Variants in CCNB1IP1 observed in about 807,000 individuals in gnomAD.
CCNB1IP1 encodes cyclin B1 interacting protein 1.
Under a neutral mutation model 25.6 loss-of-function variants are expected in CCNB1IP1, and 14 were observed. That is an observed-to-expected ratio of 0.55 (90% CI 0.36 to 0.85). The LOEUF (loss-of-function observed/expected upper bound fraction) is 0.85. Ranked by LOEUF, CCNB1IP1 falls within the 40% of genes least tolerant of loss-of-function variation. CCNB1IP1 has a pLI of 0.01. For missense variants in CCNB1IP1, 278 were observed against 342.4 expected (o/e 0.81, Z 1.48); for synonymous variants, 119 against 116.1 (o/e 1.02, Z -0.16).
intron 4 of CCNB1IP1, among the ~76,000 whole-genome samples, chr14:20,322,622 A>AAT (rs1566403111): frequency 2.8e-5 from 4 of 142,704 alleles, no homozygotes; most frequent in Admixed American, 7.0e-5. Context: ...TATATATATA[A>AAT]TTTTTTTTTT....
intron 4 of CCNB1IP1, among the ~76,000 whole-genome samples, chr14:20,319,498 A>G (rs1882825348): frequency 6.6e-6 from 1 of 152,218 alleles, no homozygotes; most frequent in South Asian, 2.1e-4. Context: ...AAAATGCAAA[A>G]TATTCTAATT....
chr14:20,320,730 G>A (rs887003713), intron 4 of CCNB1IP1, among the ~76,000 whole-genome samples: 18 of 151,060 alleles, frequency 1.2e-4, no homozygotes, highest in African/African-American at 3.4e-4. Context: ...GCCTGAACCC[G>A]GGAGGCGGAG....
intron 6 of CCNB1IP1, among the ~76,000 whole-genome samples, chr14:20,312,199 G>A (rs555317203): frequency 7.9e-5 from 12 of 152,106 alleles, no homozygotes; most frequent in Non-Finnish European, 1.5e-4. Flanking sequence ...AAGAACTGGT[G>A]AATATGAAAA....
In CCNB1IP1 at chr14:20,313,596, T is replaced by C. The variant is rs1034750512; in HGVS notation, c.503A>G (p.Asn168Ser). 3.1e-6 allele frequency: 5 copies of C among 1,614,114 alleles called. No individual in the cohort carries two copies. The highest frequency in any genetic ancestry group is 1.7e-5 in the Admixed American group (1 of 60,012). ...GCCTTGGAGCTTTTGATACTGACGATTGCGCTCCATAAGTTTCTCAGAGAT... is the reference window on the plus strand; with the variant it reads ...GCCTTGGAGCTTTTGATACTGACGACTGCGCTCCATAAGTTTCTCAGAGAT... ...SDISEKLMERNRQYQKLQGLY... is the reference protein window; with the variant it reads ...SDISEKLMERSRQYQKLQGLY... The change falls in exon 6 of 7, where the codon AAT (asparagine) becomes AGT (serine). Residue 168 changes from asparagine (N) to serine (S), a missense_variant. By Grantham distance (46) the Asn-to-Ser change is conservative. Transcript: ENST00000358932.
At chr14:20,326,492 A>G (rs1369105220) in intron 3 of CCNB1IP1, 2 of 534,830 alleles carry the variant, frequency 3.7e-6, no homozygotes, top group South Asian at 2.8e-5. Flanking sequence ...ATCAGCTGAA[A>G]CACGGACTTA....
chr14:20,328,081 G>A (rs1883130336), intron 2 of CCNB1IP1, among the ~76,000 whole-genome samples: 1 of 152,188 alleles, frequency 6.6e-6, no homozygotes, highest in Non-Finnish European at 1.5e-5. Flanking sequence ...AAAGAAAGCA[G>A]TGGCTATCAT....
intron 1 of CCNB1IP1, among the ~76,000 whole-genome samples, 183 bp from the exon 2 acceptor site, chr14:20,329,556 A>G (rs1160372460): frequency 1.3e-5 from 2 of 152,180 alleles, no homozygotes; most frequent in Non-Finnish European, 2.9e-5. Context: ...TCCACTGTAC[A>G]TATGTATAAT....
intron 1 of CCNB1IP1, among the ~76,000 whole-genome samples, 191 bp from the exon 2 acceptor site, chr14:20,329,564 A>G (rs1883175449): frequency 6.6e-6 from 1 of 151,716 alleles, no homozygotes; most frequent in African/African-American, 2.4e-5. Flanking sequence ...ACATATGTAT[A>G]ATATTTGCTT....
chr14:20,333,132 TCTC>T (rs1883302767), intron 1 of CCNB1IP1, 119 bp downstream of exon 1: 1 of 152,098 alleles, frequency 6.6e-6, no homozygotes, highest in Admixed American at 6.6e-5. Flanking sequence ...CCGAAATTAA[TCTC>T]CTTGCGACTC....
At chr14:20,315,981 AGTGTGTGTGTGT>A in intron 5 of CCNB1IP1, 2 of 478,602 alleles carry the variant, frequency 4.2e-6, no homozygotes, top group South Asian at 5.1e-5. Context: ...AGAGTGTGTG[AGTGTGTGTGTGT>A]GTATACCCAA....
At chr14:20,332,833 TAGAC>T (rs1399443544) in intron 1 of CCNB1IP1, 2 of 152,244 alleles carry the variant, frequency 1.3e-5, no homozygotes, top group African/African-American at 4.8e-5. Context: ...CTGGGCCCTC[TAGAC>T]ACTCACCGGA....
At chr14:20,314,135 G>GAATAGACTCT in intron 5 of CCNB1IP1, 1 of 187,128 alleles carries the variant, frequency 5.3e-6, no homozygotes, top group Non-Finnish European at 1.1e-5. Flanking sequence ...AGAGCATGAA[G>GAATAGACTCT]AATAGACTCT....
chr14:20,312,910 C>A (rs1419493295), intron 6 of CCNB1IP1, among the ~76,000 whole-genome samples: 2 of 151,946 alleles, frequency 1.3e-5, no homozygotes, highest in Non-Finnish European at 2.9e-5. Flanking sequence ...AACAAAACAA[C>A]CAAACTGACA....
intron 2 of CCNB1IP1, among the ~76,000 whole-genome samples, chr14:20,327,048 C>T (rs1357559682): frequency 6.6e-6 from 1 of 151,920 alleles, no homozygotes; most frequent in African/African-American, 2.4e-5. Flanking sequence ...TGTACTCCAG[C>T]CTAGGCAACA....
intron 2 of CCNB1IP1, among the ~76,000 whole-genome samples, chr14:20,328,445 A>G (rs1257934486): frequency 6.6e-6 from 1 of 152,210 alleles, no homozygotes; most frequent in African/African-American, 2.4e-5. Flanking sequence ...AACTATGTAA[A>G]ATGTTTTCAG....
In CCNB1IP1 at chr14:20,316,343, T is replaced by A; in HGVS notation, c.181A>T (p.Ile61Phe). 1 of 1,613,970 alleles carries A rather than the reference T, an allele frequency of 6.2e-7. No homozygotes were observed. Among genetic ancestry groups the A allele is most frequent in the East Asian group, 2.2e-5 (1 of 44,880 alleles). The change falls in exon 5 of 7, where the codon ATT (isoleucine) becomes TTT (phenylalanine). Residue 61 changes from isoleucine (I) to phenylalanine (F), a missense_variant. Ile to Phe is a conservative substitution (Grantham distance 21). Transcript: ENST00000358932. ...GATGGACTGAGTTCTGTGCGGACAA[T>A]ATCTAGCTTTCCAGAAAGGGTACTG... The part of the protein sequence containing the change: ...CNSTLSGKLD[I>F]VRTELSPSEE...
At chr14:20,312,521 T>C (rs545974256) in intron 6 of CCNB1IP1, among the ~76,000 whole-genome samples, 2 of 151,916 alleles carry the variant, frequency 1.3e-5, no homozygotes, top group Non-Finnish European at 2.9e-5. Context: ...TTATAAGACA[T>C]CAGCTCCTCC....
intron 5 of CCNB1IP1, 41 bp downstream of exon 5, chr14:20,316,186 C>A: frequency 6.4e-7 from 1 of 1,555,880 alleles, no homozygotes; most frequent in Non-Finnish European, 8.7e-7. Context: ...CCACAAATGC[C>A]ATAAATCACA....
intron 5 of CCNB1IP1, among the ~76,000 whole-genome samples, chr14:20,315,136 C>CAAA (rs1159450735): frequency 1.7e-3 from 15 of 9,056 alleles, no homozygotes; most frequent in South Asian, 6.2e-3. Context: ...TACACCTCAC[C>CAAA]AAAAAAAAAA....
Sources: gnomAD v4.1 joint callset for allele counts (sites outside exome capture counted in the v4.1 genomes callset) on GRCh38, gnomAD v4.1.1 for gene constraint, MANE v1.5 for transcripts, NCBI Gene and HGNC (gene_info 2026-07-23, HGNC 2026-07-21) for gene names.